KDELR2: variants seen among roughly 807,000 people sequenced by gnomAD.
KDELR2 encodes ER lumen protein-retaining receptor 2.
KDELR2 carries 15 observed loss-of-function variants against 23.9 expected under a neutral mutation model. The ratio of observed to expected loss-of-function variants is 0.63; its 90% CI spans 0.42 to 0.97. The LOEUF (loss-of-function observed/expected upper bound fraction) is 0.97. KDELR2 is among the 50% of genes least tolerant of loss of function. The pLI, the probability that KDELR2 is intolerant of heterozygous loss-of-function variation, is 0.00. For missense variants in KDELR2, 272 were observed against 254.6 expected, an observed-to-expected ratio of 1.07 and a Z score of -0.46; for synonymous variants, 119 against 106.2, an observed-to-expected ratio of 1.12 and a Z score of -0.74.
intron 1 of KDELR2, among the ~76,000 whole-genome samples, chr7:6,480,455 T>C (rs903585399): frequency 2.0e-5 from 3 of 152,176 alleles, no homozygotes; most frequent in Non-Finnish European, 2.9e-5. Flanking sequence ...CAACAGCAGA[T>C]ACAGCCACAA....
chr7:6,464,755 G>C (rs1427766076), intron 4 of KDELR2, among the ~76,000 whole-genome samples: 1 of 126,620 alleles, frequency 7.9e-6, no homozygotes, highest in Non-Finnish European at 1.6e-5. Flanking sequence ...TTTTTTTTGA[G>C]ACAGAGTTTT....
chr7:6,478,487 C>A (rs886733914), intron 1 of KDELR2, among the ~76,000 whole-genome samples: 14 of 152,170 alleles, frequency 9.2e-5, no homozygotes, highest in Admixed American at 2.6e-4. Flanking sequence ...AGCATCCTTT[C>A]ATGCTTCATT....
intron 1 of KDELR2, among the ~76,000 whole-genome samples, chr7:6,479,436 T>C (rs1255534237): frequency 6.6e-6 from 1 of 152,218 alleles, no homozygotes; most frequent in Non-Finnish European, 1.5e-5. Context: ...ATTACAGGCA[T>C]GAGCCACTAA....
rs184948945 is a variant in KDELR2 at position 6,464,319 on chromosome 7, G to A, written c.605-1144C>T. The stretch of plus-strand genomic sequence containing the variant: ...GCGGATCACGAGGTTGGGAGTTCAA[G>A]ACCAGCCTGGCCAACAAGGTGAAAC... On this transcript the variant is annotated intron_variant, in intron 4 of 4. Transcript: ENST00000258739. Among the ~76,000 whole-genome samples the A allele has an allele frequency of 5.5e-5, 8 of 145,926 alleles. No homozygotes were observed. In the East Asian group the frequency reaches 1.9e-3, roughly 34 times the overall value.
intron 1 of KDELR2, among the ~76,000 whole-genome samples, chr7:6,483,712 G>A (rs1040489423): frequency 2.6e-5 from 4 of 152,234 alleles, no homozygotes; most frequent in African/African-American, 7.2e-5. Flanking sequence ...CGCGCAGCCG[G>A]GTGCGCTCCG....
chr7:6,474,388 G>A, intron 1 of KDELR2, 104 bp from the exon 2 acceptor site: 1 of 755,074 alleles, frequency 1.3e-6, no homozygotes, highest in South Asian at 1.5e-5. Context: ...GGTGCGTGGG[G>A]TCAAGGCCCA....
intron 4 of KDELR2, among the ~76,000 whole-genome samples, chr7:6,463,811 G>A (rs556000025): frequency 2.7e-5 from 4 of 150,866 alleles, no homozygotes; most frequent in East Asian, 2.0e-4. Flanking sequence ...CTATACTTCC[G>A]GCACTGTGGG....
Position 6,479,953 on chromosome 7 carries a change from T to C in KDELR2, c.91+4014A>G, listed in dbSNP as rs574669400. 8.5e-5 allele frequency among the ~76,000 whole-genome samples: 13 copies of C among 152,270 alleles called. No individual in the cohort carries two copies. In the South Asian group the frequency reaches 2.1e-3, roughly 24 times the overall value. ...TATGTGAAGCAAAAGCTTCTTGGAG[T>C]ACTCCACATCTTACCCACTATATTA... On this transcript the variant is annotated intron_variant, in intron 1 of 4. Coordinates refer to ENST00000258739, the MANE Select transcript of KDELR2 (RefSeq NM_006854.4).
rs754114496 is a variant in KDELR2 at position 6,466,343 on chromosome 7, C to T, written c.352-20G>A. 1.1e-5 allele frequency: 18 copies of T among 1,610,578 alleles called. No homozygotes were observed. The highest frequency in any genetic ancestry group is 4.5e-5 in the East Asian group (2 of 44,858). The stretch of plus-strand genomic sequence containing the variant: ...GAGGATCTGGAAGAGAAATGGCAAG[C>T]TTCCATCACGACCCACTGCCCACCA... On this transcript the variant is annotated intron_variant, in intron 3 of 4. Transcript: ENST00000258739.
chr7:6,470,284 G>C (rs1353382522), intron 2 of KDELR2: 1 of 152,334 alleles, frequency 6.6e-6, no homozygotes, highest in Non-Finnish European at 1.5e-5. Context: ...CTCTCCCCGA[G>C]TCCACGTGGG....
intron 4 of KDELR2, among the ~76,000 whole-genome samples, chr7:6,463,897 A>C (rs59990256): frequency 9.9e-3 from 1,158 of 117,190 alleles, no homozygotes; most frequent in Non-Finnish European, 0.012. Flanking sequence ...ACCATCTCTA[A>C]TAAAAATACA....
chr7:6,484,120 C>A lies in KDELR2; in HGVS notation c.-63G>T. On this transcript the variant is annotated 5_prime_UTR_variant, in exon 1 of 5. Coordinates refer to ENST00000258739, the MANE Select transcript of KDELR2 (RefSeq NM_006854.4). ...CCCCGGGGCTGGGCGGCTCAGGAGGCGGCGGCCCCTGAGAGGAAGCGGCGA... is the reference window on the plus strand; with the variant it reads ...CCCCGGGGCTGGGCGGCTCAGGAGGAGGCGGCCCCTGAGAGGAAGCGGCGA... The A allele has an allele frequency of 1.6e-6, 2 of 1,217,050 alleles. No homozygotes were observed. The highest frequency in any genetic ancestry group is 2.1e-6 in the Non-Finnish European group (2 of 959,678). The allele number at this position is 1,217,050 out of a possible 1,614,324, so 75.4% of individuals were successfully genotyped here. A position where few individuals can be genotyped will look rare whatever the true frequency, so the allele number is the denominator to read the frequency against.
intron 2 of KDELR2, 112 bp downstream of exon 2, chr7:6,474,072 A>G (rs905315412): frequency 1.9e-5 from 13 of 682,546 alleles, no homozygotes; most frequent in Non-Finnish European, 3.3e-5. Flanking sequence ...ACAGCATATT[A>G]AGACATTATT....
chr7:6,482,733 C>A (rs1038814414), intron 1 of KDELR2: 15 of 225,290 alleles, frequency 6.7e-5, no homozygotes, highest in East Asian at 1.2e-4. Context: ...TTGAGTTCAA[C>A]AAAAATTATT....
At chr7:6,471,884 T>C (rs1369491780) in intron 2 of KDELR2, among the ~76,000 whole-genome samples, 1 of 149,238 alleles carries the variant, frequency 6.7e-6, no homozygotes, top group East Asian at 2.0e-4. Flanking sequence ...TGCTGGGTCA[T>C]ATGTTAAGTG....
Position 6,469,625 on chromosome 7 carries a change from A to C in KDELR2, c.322T>G (p.Leu108Val). ...LVVPVGGLSF[L>V]VNHDFSPLEI... ...AGAGGAGAGAAATCGTGATTAACTA[A>C]AAATGAGAGGCCTCCCACAGGGACC... Residue 108 changes from leucine (L) to valine (V), a missense_variant, in exon 3 of 5, where the codon TTA becomes GTA. Coordinates refer to ENST00000258739, the MANE Select transcript of KDELR2 (RefSeq NM_006854.4). 2 of 1,614,076 alleles carry C rather than the reference A, an allele frequency of 1.2e-6. No homozygotes were observed. Among genetic ancestry groups the C allele is most frequent in the Non-Finnish European group, 1.7e-6 (2 of 1,179,990 alleles).
chr7:6,479,443 C>T (rs998716736), intron 1 of KDELR2, among the ~76,000 whole-genome samples: 2 of 152,176 alleles, frequency 1.3e-5, no homozygotes, highest in Admixed American at 6.6e-5. Flanking sequence ...GCATGAGCCA[C>T]TAAGACCGGC....
At chr7:6,477,170 C>T (rs950023353) in intron 1 of KDELR2, among the ~76,000 whole-genome samples, 13 of 152,220 alleles carry the variant, frequency 8.5e-5, no homozygotes, top group Admixed American at 6.5e-4. Flanking sequence ...GCCCCAGGTG[C>T]GCACAGGGCA....
chr7:6,471,904 C>CT (rs11324108), intron 2 of KDELR2, among the ~76,000 whole-genome samples: 125 of 144,010 alleles, frequency 8.7e-4, no homozygotes, highest in African/African-American at 2.8e-3. Flanking sequence ...GTAAGTTTAA[C>CT]TTTTTTTTTT....
Sources: gnomAD v4.1 joint callset for allele counts (sites outside exome capture counted in the v4.1 genomes callset) on GRCh38, gnomAD v4.1.1 for gene constraint, MANE v1.5 for transcripts, NCBI Gene and HGNC (gene_info 2026-07-23, HGNC 2026-07-21) for gene names.